CDH18: variants seen among roughly 807,000 people sequenced by gnomAD.
The protein encoded by CDH18 is cadherin 18.
A neutral mutation model predicts 67.9 loss-of-function variants in CDH18; 31 were observed. The observed-to-expected ratio is 0.46, with a 90% CI of 0.34 to 0.62. The LOEUF is 0.62. Ranked by LOEUF, CDH18 falls within the 20% of genes least tolerant of loss-of-function variation. The pLI, the probability that CDH18 is intolerant of heterozygous loss-of-function variation, is 0.01. For synonymous variants in CDH18, 362 were observed against 347.2 expected (o/e 1.04, Z -0.48); for missense variants, 890 against 975.5 (o/e 0.91, Z 1.17).
chr5:20,355,186 GC>G (rs1741514885), intron 1 of CDH18, among the ~76,000 whole-genome samples: 1 of 152,178 alleles, frequency 6.6e-6, no homozygotes, highest in South Asian at 2.1e-4. Context: ...AACTGCCTAT[GC>G]AGTTGTGCTA....
intron 2 of CDH18, among the ~76,000 whole-genome samples, chr5:19,885,638 G>A (rs1181604068): frequency 6.6e-6 from 1 of 152,138 alleles, no homozygotes; most frequent in Non-Finnish European, 1.5e-5. Flanking sequence ...ATAGCTCACT[G>A]CAGCCTAGAG....
At chr5:19,793,719 CAAATAAAAA>C (rs563225561) in intron 3 of CDH18, among the ~76,000 whole-genome samples, 133 of 151,978 alleles carry the variant, frequency 8.8e-4, no homozygotes, top group Middle Eastern at 3.4e-3. Context: ...GACAATAAAA[CAAATAAAAA>C]CCAAGGTCCT....
chr5:19,862,167 G>A (rs1784975603), intron 2 of CDH18, among the ~76,000 whole-genome samples: 1 of 152,078 alleles, frequency 6.6e-6, no homozygotes, highest in Non-Finnish European at 1.5e-5. Context: ...AATAAGTTGA[G>A]AGTAAATTAT....
rs112441648 is a variant in CDH18, at chr5:20,191,474, T to C, written c.-518+63970A>G. On this transcript the variant is annotated intron_variant, in intron 2 of 14. Coordinates refer to the CDH18 transcript ENST00000507958. ...TTGGTATTTGTGTGCCATGGTGGTT[T>C]GCTGCACCTATTGAACTATCCTCTA... is the stretch of plus-strand genomic sequence containing the variant. Among the ~76,000 whole-genome samples the C allele has an allele frequency of 5.4e-3, 821 of 152,184 alleles. 2 individuals carry two copies. The highest frequency in any genetic ancestry group is 7.8e-3 in the Non-Finnish European group (529 of 67,982).
intron 2 of CDH18, among the ~76,000 whole-genome samples, chr5:20,055,608 C>G (rs1464558258): frequency 6.6e-6 from 1 of 152,216 alleles, no homozygotes; most frequent in African/African-American, 2.4e-5. Flanking sequence ...AGTAAGGAAA[C>G]AAACTAACCC....
intron 2 of CDH18, among the ~76,000 whole-genome samples, chr5:20,219,986 A>C (rs1406368132): frequency 6.6e-6 from 1 of 151,962 alleles, no homozygotes; most frequent in Non-Finnish European, 1.5e-5. Context: ...GGGCACCAAA[A>C]AAGGGAAAGA....
At chr5:20,510,139 T>C (rs939211874) in intron 1 of CDH18, among the ~76,000 whole-genome samples, 3 of 152,174 alleles carry the variant, frequency 2.0e-5, no homozygotes, top group Non-Finnish European at 2.9e-5. Flanking sequence ...TCCTGATGAC[T>C]AGTGATGTTG....
chr5:19,605,641 T>C (rs1170906840), intron 6 of CDH18, among the ~76,000 whole-genome samples: 4 of 152,042 alleles, frequency 2.6e-5, no homozygotes, highest in Non-Finnish European at 4.4e-5. Context: ...GCATAGTATA[T>C]AGAAAATGAC....
intron 2 of CDH18, among the ~76,000 whole-genome samples, chr5:20,102,776 A>C (rs565236890): frequency 4.6e-5 from 7 of 152,294 alleles, no homozygotes; most frequent in Non-Finnish European, 8.8e-5. Context: ...GAAGATGAAA[A>C]GGATTTGTGA....
intron 2 of CDH18, among the ~76,000 whole-genome samples, chr5:20,141,684 A>C (rs1750250231): frequency 6.6e-6 from 1 of 152,166 alleles, no homozygotes; most frequent in African/African-American, 2.4e-5. Flanking sequence ...AATTGCAGCA[A>C]AGGGTTTATT....
intron 1 of CDH18, among the ~76,000 whole-genome samples, chr5:20,326,683 TGCCC>T (rs1223698461): frequency 6.6e-6 from 1 of 151,888 alleles, no homozygotes; most frequent in African/African-American, 2.4e-5. Flanking sequence ...GCACTACAGG[TGCCC>T]GCCACCACAC....
At chr5:19,679,113 C>T (rs1028097853) in intron 5 of CDH18, among the ~76,000 whole-genome samples, 2 of 152,016 alleles carry the variant, frequency 1.3e-5, no homozygotes, top group East Asian at 1.9e-4. Context: ...ATCAAGTAGG[C>T]TTTACCTCTG....
At chr5:20,161,490 C>G (rs1735888363) in intron 2 of CDH18, among the ~76,000 whole-genome samples, 2 of 152,146 alleles carry the variant, frequency 1.3e-5, no homozygotes, top group South Asian at 4.1e-4. Flanking sequence ...TGGGACATGA[C>G]TAGACAAAGT....
chr5:20,055,464 G>C (rs1241438725), intron 2 of CDH18, among the ~76,000 whole-genome samples: 1 of 152,178 alleles, frequency 6.6e-6, no homozygotes, highest in Non-Finnish European at 1.5e-5. Context: ...TTTGCCAATA[G>C]GCAAGTGAGA....
At chr5:20,277,307 G>C (rs1745886127) in intron 1 of CDH18, among the ~76,000 whole-genome samples, 2 of 152,094 alleles carry the variant, frequency 1.3e-5, no homozygotes, top group South Asian at 4.1e-4. Flanking sequence ...TCAGCACAGA[G>C]AGAGAGACTC....
In CDH18 at chr5:20,426,008, C is replaced by A. The variant is rs531531058; in HGVS notation, c.-580+149454G>T. On this transcript the variant is annotated intron_variant, in intron 1 of 14. Coordinates refer to the CDH18 transcript ENST00000507958. ...TTGGATACAATTATAATATTTTATG[C>A]CGATTTTTTAAATCAATACCAATGT... Among the ~76,000 whole-genome samples, 139 of 151,020 alleles carry A rather than the reference C, an allele frequency of 9.2e-4. 1 individual carries two copies. The highest frequency in any genetic ancestry group is 3.4e-3 in the Middle Eastern group (1 of 292).
intron 2 of CDH18, among the ~76,000 whole-genome samples, chr5:19,937,914 A>G (rs1794445779): frequency 6.6e-6 from 1 of 150,526 alleles, no homozygotes; most frequent in Non-Finnish European, 1.5e-5. Context: ...CACAAAGACA[A>G]GAATCACATT....
At chr5:20,277,408 C>G (rs1580647040) in intron 1 of CDH18, among the ~76,000 whole-genome samples, 2 of 152,100 alleles carry the variant, frequency 1.3e-5, no homozygotes, top group African/African-American at 4.8e-5. Context: ...ACCACCCAGG[C>G]AGCACCTCTA....
In CDH18 at chr5:20,062,158, T is replaced by TATTATTATTATTA. The variant is rs1167960721; in HGVS notation, c.-517-70157_-517-70145dup. Among the ~76,000 whole-genome samples the TATTATTATTATTA allele has an allele frequency of 8.6e-3, 1,273 of 147,458 alleles. 9 individuals are homozygous for TATTATTATTATTA. The highest frequency in any genetic ancestry group is 0.013 in the Non-Finnish European group (895 of 67,058). On this transcript the variant is annotated intron_variant, in intron 2 of 14. Transcript: ENST00000507958. ...AGCCCAGAATTATTATTATTATTAT[T>TATTATTATTATTA]ATTATTATTATTATTATTGAGACAG...
Sources: gnomAD v4.1 joint callset for allele counts (sites outside exome capture counted in the v4.1 genomes callset) on GRCh38, gnomAD v4.1.1 for gene constraint, MANE v1.5 for transcripts, NCBI Gene and HGNC (gene_info 2026-07-23, HGNC 2026-07-21) for gene names.